Variants in TTC19 observed in about 807,000 individuals in gnomAD.
TTC19 encodes tetratricopeptide repeat domain 19, also known as tetratricopeptide repeat protein 19, mitochondrial.
TTC19 carries 38 observed loss-of-function variants against 49.5 expected under a neutral mutation model. That is an observed-to-expected ratio of 0.77 (90% CI 0.59 to 1.01). The LOEUF (loss-of-function observed/expected upper bound fraction) is 1.01. TTC19 is among the 50% of genes least tolerant of loss of function. The pLI is 0.00. For missense variants in TTC19, 475 were observed against 477.7 expected (o/e 0.99, Z 0.05); for synonymous variants, 204 against 185.2 (o/e 1.10, Z -0.83).
chr17:16,034,900 T>A, intron 2 of TTC19: 1 of 1,614,192 alleles, frequency 6.2e-7, no homozygotes, highest in Non-Finnish European at 8.5e-7. Flanking sequence ...GACTTAGATT[T>A]CCTGCTGTTT....
chr17:16,034,782 T>A, intron 2 of TTC19: 1 of 1,613,124 alleles, frequency 6.2e-7, no homozygotes, highest in African/African-American at 1.3e-5. Context: ...AGAGGGCCTG[T>A]CTTCCCAGGC....
intron 2 of TTC19, chr17:16,039,207 A>G: frequency 1.8e-6 from 1 of 541,196 alleles, no homozygotes; most frequent in East Asian, 3.2e-5. Context: ...TGGACATCCC[A>G]GGAGGGTGAC....
intron 7 of TTC19, among the ~76,000 whole-genome samples, chr17:16,018,520 T>C (rs1971279570): frequency 1.3e-5 from 2 of 152,188 alleles, no homozygotes; most frequent in African/African-American, 4.8e-5. Context: ...TGTTTTTTGT[T>C]TTTTGAGATA....
At position 16,029,307 on chromosome 17, in the gene TTC19, A is replaced by C; in HGVS notation, c.*1785A>C. The stretch of plus-strand genomic sequence containing the variant: ...AGTTCATTTACACTGTTGTAAAATA[A>C]GGTACTGAAGCAAAAGGAGGACTGA... On this transcript the variant is annotated 3_prime_UTR_variant, in exon 10 of 10. Coordinates refer to ENST00000261647, the MANE Select transcript of TTC19 (RefSeq NM_017775.4). 2.2e-6 allele frequency: 1 copy of C among 447,156 alleles called. No homozygotes were observed. Among genetic ancestry groups the C allele is most frequent in the Non-Finnish European group, 4.5e-6 (1 of 224,120 alleles). 27.7% of individuals were successfully genotyped at this position (447,156 alleles called of 1,614,324 possible). A position where few individuals can be genotyped will look rare whatever the true frequency, so the allele number is the denominator to read the frequency against.
intron 9 of TTC19, 52 bp from the exon 10 acceptor site, chr17:16,027,322 C>T: frequency 1.2e-6 from 2 of 1,606,408 alleles, no homozygotes; most frequent in Admixed American, 1.7e-5. Flanking sequence ...TCAGAATCAC[C>T]TTGAAAACAT....
chr17:16,000,291 T>C (rs1222090156), intron 2 of TTC19, 46 bp downstream of exon 2: 2 of 1,589,096 alleles, frequency 1.3e-6, no homozygotes, highest in Non-Finnish European at 1.7e-6. Context: ...CGGTAGCCTT[T>C]GTGAGCGGGG....
In TTC19 at chr17:16,028,880, G is replaced by C. The variant is rs77823929; in HGVS notation, c.*1358G>C. Reference sequence around the variant, plus strand: ...AGAAAATAAAAACACCAGAAACCTTGAGGTCCAAATCCTCAGGGATTAGAC... The same window carrying C: ...AGAAAATAAAAACACCAGAAACCTTCAGGTCCAAATCCTCAGGGATTAGAC... On this transcript the variant is annotated 3_prime_UTR_variant, in exon 10 of 10. Coordinates refer to ENST00000261647, the MANE Select transcript of TTC19 (RefSeq NM_017775.4). The C allele has an allele frequency of 6.4e-3, 1,801 of 281,216 alleles. 33 individuals carry two copies. Among genetic ancestry groups the C allele is most frequent in the African/African-American group, 0.048 (1,648 of 34,218 alleles). The allele number at this position is 281,216 out of a possible 1,614,324, so 17.4% of individuals were successfully genotyped here.
intron 2 of TTC19, among the ~76,000 whole-genome samples, chr17:16,041,974 T>A (rs992622484): frequency 1.3e-5 from 2 of 152,102 alleles, no homozygotes; most frequent in Admixed American, 6.5e-5. Context: ...CTGACCTCGA[T>A]ATGCCCGCCT....
At chr17:16,025,262 G>T in intron 8 of TTC19, 91 bp downstream of exon 8, 4 of 1,374,150 alleles carry the variant, frequency 2.9e-6, no homozygotes, top group Middle Eastern at 1.8e-4. Context: ...AACAGGATCA[G>T]CAGATGGTCC....
intron 2 of TTC19, chr17:16,040,352 G>T: frequency 9.5e-7 from 1 of 1,055,706 alleles, no homozygotes; most frequent in Non-Finnish European, 1.5e-6. Flanking sequence ...TCACTCCCCT[G>T]GTATACAGTT....
Position 16,028,194 on chromosome 17 carries a change from A to ATTT in TTC19, c.*672_*673insTTT, listed in dbSNP as rs760179542. ...AAATGGGGGTGTTTATATAAAACTA[A>ATTT]AAACTAAGAATGATGTAACCTTTTG... is the stretch of plus-strand genomic sequence containing the variant. On this transcript the variant is annotated 3_prime_UTR_variant, in exon 10 of 10. Coordinates refer to ENST00000261647, the MANE Select transcript of TTC19 (RefSeq NM_017775.4). The ATTT allele has an allele frequency of 2.0e-4, 91 of 453,740 alleles. No individual in the cohort carries two copies. Among genetic ancestry groups the ATTT allele is most frequent in the Non-Finnish European group, 3.4e-4 (77 of 226,558 alleles). 28.1% of individuals were successfully genotyped at this position (453,740 alleles called of 1,614,324 possible).
chr17:16,005,106 G>C (rs756988565), intron 6 of TTC19, among the ~76,000 whole-genome samples: 1 of 152,186 alleles, frequency 6.6e-6, no homozygotes, highest in African/African-American at 2.4e-5. Context: ...TGTTGAGTAA[G>C]ACAAATTCAT....
At chr17:16,039,784 C>T (rs1555543769) in intron 2 of TTC19, 9 of 788,654 alleles carry the variant, frequency 1.1e-5, no homozygotes, top group Middle Eastern at 3.2e-4. Context: ...CCAGGACCCA[C>T]CACACAGAGA....
chr17:16,031,622 T>C (rs1972009159), downstream of TTC19: 1 of 225,216 alleles, frequency 4.4e-6, no homozygotes, highest in Non-Finnish European at 8.8e-6. Context: ...AATTAAAGCC[T>C]GCACTGGAAA....
downstream of TTC19, chr17:16,032,304 C>T (rs777533528): frequency 6.2e-7 from 1 of 1,611,792 alleles, no homozygotes; most frequent in Non-Finnish European, 8.5e-7. Context: ...GTTCAGTCAT[C>T]ACTATCCGAC....
At chr17:16,038,864 G>A (rs929664591) in intron 2 of TTC19, among the ~76,000 whole-genome samples, 1 of 152,078 alleles carries the variant, frequency 6.6e-6, no homozygotes, top group African/African-American at 2.4e-5. Context: ...TCCGCCTCTC[G>A]GGTTCAAGCA....
At chr17:16,019,249 C>T (rs1251548747) in intron 7 of TTC19, among the ~76,000 whole-genome samples, 10 of 152,176 alleles carry the variant, frequency 6.6e-5, no homozygotes, top group Non-Finnish European at 1.2e-4. Flanking sequence ...AGGAGAATCG[C>T]TTCAACCTGA....
In TTC19 at chr17:16,027,872, A is replaced by ATAAG. The variant is rs1567589105; in HGVS notation, c.*352_*355dup. ...GGTGATTCAGCCTGGCATTTCTACC[A>ATAAG]TAAGTTTTTGGTCTGCTGATTTGCT... On this transcript the variant is annotated 3_prime_UTR_variant, in exon 10 of 10. Transcript: ENST00000261647. 1 of 467,740 alleles carries ATAAG rather than the reference A, an allele frequency of 2.1e-6. No individual in the cohort carries two copies. The highest frequency in any genetic ancestry group is 4.2e-6 in the Non-Finnish European group (1 of 235,472). 29.0% of individuals were successfully genotyped at this position (467,740 alleles called of 1,614,324 possible).
intron 2 of TTC19, chr17:16,040,054 T>A: frequency 2.4e-6 from 1 of 420,316 alleles, no homozygotes; most frequent in African/African-American, 2.0e-5. Context: ...CCTCCCAAAG[T>A]GCTGGGATTA....
Sources: allele counts gnomAD v4.1 joint callset (sites outside exome capture counted in the v4.1 genomes callset), GRCh38; gene constraint gnomAD v4.1.1; transcripts MANE v1.5; gene names NCBI Gene and HGNC (gene_info 2026-07-23, HGNC 2026-07-21).